The following TTC14 variants were observed in gnomAD, a reference collection of about 807,000 sequenced individuals.
TTC14 encodes tetratricopeptide repeat protein 14.
A neutral mutation model predicts 79.9 loss-of-function variants in TTC14; 63 were observed. The observed-to-expected ratio is 0.79, with a 90% CI of 0.64 to 0.97. The LOEUF (loss-of-function observed/expected upper bound fraction) is 0.97. Ranked by LOEUF, TTC14 falls within the 50% of genes least tolerant of loss-of-function variation. The pLI, the probability that TTC14 is intolerant of heterozygous loss-of-function variation, is 0.00. For synonymous variants in TTC14, 335 were observed against 309.6 expected (o/e 1.08, Z -0.86); for missense variants, 895 against 894.0 (o/e 1.00, Z -0.01).
intron 3 of TTC14, 135 bp downstream of exon 3, chr3:180,603,458 A>C: frequency 1.3e-6 from 1 of 776,464 alleles, no homozygotes; most frequent in South Asian, 1.8e-5. Context: ...AATTGGAGAA[A>C]AATAGTTTAA....
At chr3:180,614,066 G>C, downstream of TTC14, 1 of 291,166 alleles carries the variant, frequency 3.4e-6, no homozygotes, top group East Asian at 8.9e-5. Flanking sequence ...TCTATTCCAA[G>C]AGTACAAAGT....
downstream of TTC14, chr3:180,613,764 T>C (rs1346585106): frequency 4.7e-6 from 2 of 429,018 alleles, no homozygotes; most frequent in African/African-American, 2.1e-5. Flanking sequence ...TTAGGTCTTA[T>C]AAATCTCATG....
At chr3:180,614,445 T>C (rs1343160694), downstream of TTC14, 1 of 152,820 alleles carries the variant, frequency 6.5e-6, no homozygotes, top group Non-Finnish European at 1.5e-5. Flanking sequence ...AGAAACTGCC[T>C]TTAACAATTT....
chr3:180,604,852 G>A lies in TTC14; in HGVS notation c.702G>A (p.Arg234=), dbSNP rs773228466. Residue 234 remains arginine (R), a splice_region_variant and synonymous_variant, in exon 6 of 12, where the codon AGG becomes AGA. Coordinates refer to ENST00000296015, the MANE Select transcript of TTC14 (RefSeq NM_133462.4). ...ATTTTTGTGTTTGTATTTTTTTAAG[G>A]AGAAGTGTTGAGCTAAATAGCAATT... The part of the protein sequence containing the change: ...ISSEELPLYY[R]RSVELNSNSL... The A allele has an allele frequency of 6.3e-7, 1 of 1,595,964 alleles. No homozygotes were observed. The highest frequency in any genetic ancestry group is 1.4e-5 in the African/African-American group (1 of 73,640).
intron 3 of TTC14, chr3:180,603,995 G>T: frequency 5.5e-6 from 3 of 543,924 alleles, no homozygotes; most frequent in Non-Finnish European, 9.8e-6. Flanking sequence ...ATCATATTTG[G>T]TTCCTAAACT....
At position 180,609,914 on chromosome 3, in the gene TTC14, A is replaced by G. The variant is rs1384412890; in HGVS notation, c.1685A>G (p.Asp562Gly). The change falls in exon 12 of 12, where the codon GAT becomes GGT. Residue 562 changes from aspartate to glycine, a missense_variant. Transcript: ENST00000296015. ...GTGGAGAAACTACTGGGGAAGCAGG[A>G]TAGGTTACAGTATGAAAAGACACAG... ...QEVEKLLGKQ[D>G]RLQYEKTQIK... is the part of the protein sequence containing the mutation. The G allele has an allele frequency of 1.2e-6, 2 of 1,613,932 alleles. No individual in the cohort carries two copies. The highest frequency in any genetic ancestry group is 1.3e-5 in the African/African-American group (1 of 74,918).
intron 1 of TTC14, 66 bp from the exon 2 acceptor site, chr3:180,602,825 A>G (rs1716442418): frequency 2.0e-6 from 3 of 1,522,934 alleles, no homozygotes; most frequent in East Asian, 4.6e-5. Flanking sequence ...AGCCATAAGC[A>G]GAAGGTTAGA....
At chr3:180,602,582 C>G (rs1012493655) in intron 1 of TTC14, 160 bp downstream of exon 1, 83 of 1,005,528 alleles carry the variant, frequency 8.3e-5, no homozygotes, top group Non-Finnish European at 1.1e-4. Flanking sequence ...GGGGGCGCTC[C>G]TGGGTTGTGC....
chr3:180,602,257 T>C lies in TTC14; in HGVS notation c.-5T>C. On this transcript the variant is annotated 5_prime_UTR_variant, in exon 1 of 12. Coordinates refer to ENST00000296015, the MANE Select transcript of TTC14 (RefSeq NM_133462.4). Reference sequence around the variant, plus strand: ...GTCGGCCTCCGGGCCCTGCATTCTCTAGCCATGGACCGGGACCTTTTGCGG... The same window carrying C: ...GTCGGCCTCCGGGCCCTGCATTCTCCAGCCATGGACCGGGACCTTTTGCGG... 2 of 1,613,860 alleles carry C rather than the reference T, an allele frequency of 1.2e-6. No individual in the cohort carries two copies. Among genetic ancestry groups the C allele is most frequent in the East Asian group, 2.2e-5 (1 of 44,884 alleles).
chr3:180,614,998 G>C, downstream of TTC14: 1 of 1,562,522 alleles, frequency 6.4e-7, no homozygotes, highest in Non-Finnish European at 8.7e-7. Context: ...CTGCCTACTA[G>C]TGAAGAGGAG....
rs755801426 is a variant in TTC14, at chr3:180,607,753, T to G, written c.1278T>G (p.His426Gln). Residue 426 changes from histidine (H) to glutamine (Q), a missense_variant, in exon 10 of 12, where the codon CAT (histidine) becomes CAG (glutamine). Transcript: ENST00000296015. ...KDAEDALQKL[H>Q]KYMQKSLELR... The stretch of plus-strand genomic sequence containing the variant: ...CAGAGGATGCTTTGCAGAAACTTCA[T>G]AAATATATGCAGGTGATTCCTTATT... 1.2e-6 allele frequency: 2 copies of G among 1,611,138 alleles called. No homozygotes were observed. The highest frequency in any genetic ancestry group is 1.7e-6 in the Non-Finnish European group (2 of 1,178,846).
chr3:180,614,779 CTT>C, downstream of TTC14: 1 of 662,486 alleles, frequency 1.5e-6, no homozygotes, highest in South Asian at 2.6e-5. Flanking sequence ...GAGAACGTTC[CTT>C]TTTTTTTAAA....
chr3:180,617,749 A>G (rs953804571), exon 13 of TTC14: 84 of 361,628 alleles, frequency 2.3e-4, no homozygotes, highest in Non-Finnish European at 5.9e-5. Flanking sequence ...AAAATTAAAA[A>G]TGTTTAAAGT....
intron 1 of TTC14, 177 bp from the exon 2 acceptor site, chr3:180,602,714 C>A: frequency 1.3e-6 from 1 of 787,828 alleles, no homozygotes; most frequent in Non-Finnish European, 1.9e-6. Context: ...AGTTTCCCCG[C>A]TCTCCACCTC....
chr3:180,604,462 T>G lies in TTC14; in HGVS notation c.572-16T>G. ...TTCTTACTAATCAGCTTAGTTCTCT[T>G]TTTTTTTTTCTTAAGCTGGAATCAA... On this transcript the variant is annotated splice_polypyrimidine_tract_variant and intron_variant, in intron 4 of 11. Transcript: ENST00000296015. The G allele has an allele frequency of 6.5e-7, 1 of 1,541,092 alleles. No homozygotes were observed. The highest frequency in any genetic ancestry group is 8.6e-7 in the Non-Finnish European group (1 of 1,156,128).
intron 11 of TTC14, chr3:180,609,250 G>A (rs376440229): frequency 2.7e-5 from 6 of 224,374 alleles, no homozygotes; most frequent in Non-Finnish European, 3.8e-5. Flanking sequence ...GCTCCCACCC[G>A]CACCCCCACC....
chr3:180,602,720 A>G (rs945311192), intron 1 of TTC14, 171 bp from the exon 2 acceptor site: 4 of 802,990 alleles, frequency 5.0e-6, no homozygotes, highest in African/African-American at 3.5e-5. Context: ...CCCGCTCTCC[A>G]CCTCCAGGTT....
At chr3:180,604,124 T>C in intron 3 of TTC14, 101 bp from the exon 4 acceptor site, 1 of 973,004 alleles carries the variant, frequency 1.0e-6, no homozygotes. Flanking sequence ...TTTAGGTTGT[T>C]CAACTACTAG....
chr3:180,605,828 C>T lies in TTC14; in HGVS notation c.920C>T (p.Ala307Val). Residue 307 changes from alanine to valine, a missense_variant, in exon 7 of 12, where the codon GCT becomes GTT. Coordinates refer to ENST00000296015, the MANE Select transcript of TTC14 (RefSeq NM_133462.4). Reference sequence around the variant, plus strand: ...AGAAAAAAACAATCCGCATCTTGGGCTTTAAAATGGTATGAAGACTGTCTT... The same window carrying T: ...AGAAAAAAACAATCCGCATCTTGGGTTTTAAAATGGTATGAAGACTGTCTT... ...ALRKKQSASW[A>V]LKCVKIGVDY... The T allele has an allele frequency of 6.4e-7, 1 of 1,574,446 alleles. No homozygotes were observed. Among genetic ancestry groups the T allele is most frequent in the Non-Finnish European group, 8.6e-7 (1 of 1,169,142 alleles).
Sources: gnomAD v4.1 joint callset for allele counts on GRCh38, gnomAD v4.1.1 for gene constraint, MANE v1.5 for transcripts, NCBI Gene and HGNC (gene_info 2026-07-23, HGNC 2026-07-21) for gene names.